Variants in SREK1IP1 observed in about 807,000 individuals in gnomAD.
SREK1IP1 encodes SREK1 interacting protein 1.
Under a neutral mutation model 22.8 loss-of-function variants are expected in SREK1IP1, and 12 were observed. The observed-to-expected ratio is 0.53, with a 90% CI of 0.34 to 0.85. The LOEUF (loss-of-function observed/expected upper bound fraction) is 0.85, where lower values mean the gene tolerates loss of function less well. Among genes scored for constraint, SREK1IP1 ranks in the 40% least tolerant of loss-of-function variants. SREK1IP1 has a pLI of 0.02. For missense variants in SREK1IP1, 147 were observed against 171.8 expected, an observed-to-expected ratio of 0.86 and a Z score of 0.81; for synonymous variants, 53 against 52.7, an observed-to-expected ratio of 1.01 and a Z score of -0.02.
chr5:64,731,065 G>A (rs1415025266), intron 3 of SREK1IP1, among the ~76,000 whole-genome samples: 5 of 152,094 alleles, frequency 3.3e-5, no homozygotes, highest in South Asian at 2.1e-4. Context: ...AGTAAAAAGC[G>A]TACAGTGTAT....
chr5:64,760,227 G>A (rs886600076), intron 1 of SREK1IP1, among the ~76,000 whole-genome samples: 8 of 152,258 alleles, frequency 5.3e-5, no homozygotes, highest in South Asian at 2.1e-4. Flanking sequence ...GCTGCCATTC[G>A]TATAAAAAAA....
At position 64,724,496 on chromosome 5, in the gene SREK1IP1, T is replaced by A; in HGVS notation, c.356A>T (p.Lys119Ile). 1 of 1,591,780 alleles carries A rather than the reference T, an allele frequency of 6.3e-7. No homozygotes were observed. Among genetic ancestry groups the A allele is most frequent in the Non-Finnish European group, 8.5e-7 (1 of 1,174,262 alleles). ...TTTTTTTGATTTACTCTTTTTTTCT[T>A]TTTTCTTTTCTTTCTTCTGATATTT... ...KQKYQKKEKK[K>I]EKKSKSKKGK... is the part of the protein sequence containing the mutation. The change falls in exon 5 of 5, where the codon AAA (lysine) becomes ATA (isoleucine). Residue 119 changes from lysine to isoleucine, a missense_variant. By Grantham distance (102) the Lys-to-Ile change is moderately radical (BLOSUM62 -3). Transcript: ENST00000513458.
chr5:64,737,270 C>T (rs1194863076), intron 3 of SREK1IP1, among the ~76,000 whole-genome samples: 1 of 151,376 alleles, frequency 6.6e-6, no homozygotes, highest in African/African-American at 2.4e-5. Context: ...AAATGTAAAT[C>T]AGTAATGAAA....
chr5:64,754,467 CT>C (rs113306461), intron 1 of SREK1IP1, 105 bp from the exon 2 acceptor site: 912 of 1,157,780 alleles, frequency 7.9e-4, no homozygotes, highest in Non-Finnish European at 8.8e-4. Context: ...TATAGAATTT[CT>C]TTTTTTTTGT....
Position 64,768,541 on chromosome 5 carries a change from G to C in SREK1IP1, c.-24C>G, listed in dbSNP as rs561882205. 3.2e-5 allele frequency: 51 copies of C among 1,614,068 alleles called. No homozygotes were observed. The South Asian group carries it at 5.3e-4, about 17-fold the overall frequency. ...ATGACGGTGGTAAGAGGGGTAACTCGAGCCTCTGGCTTTCGAAAAGGCGCT... is the reference window on the plus strand; with the variant it reads ...ATGACGGTGGTAAGAGGGGTAACTCCAGCCTCTGGCTTTCGAAAAGGCGCT... On this transcript the variant is annotated 5_prime_UTR_variant, in exon 1 of 5. Coordinates refer to ENST00000513458, the MANE Select transcript of SREK1IP1 (RefSeq NM_173829.4).
At position 64,758,045 on chromosome 5, in the gene SREK1IP1, T is replaced by G. The variant is rs966512466; in HGVS notation, c.14-3683A>C. ...CCGCCACCACGCCAGGCTAATTTTT[T>G]GTATTTTTTTTTAGTACAGATGGGG... On this transcript the variant is annotated intron_variant, in intron 1 of 4. Transcript: ENST00000513458. 1.4e-3 allele frequency among the ~76,000 whole-genome samples: 218 copies of G among 151,386 alleles called. 1 individual carries two copies. Among genetic ancestry groups the G allele is most frequent in the Non-Finnish European group, 2.0e-3 (134 of 67,752 alleles).
intron 2 of SREK1IP1, among the ~76,000 whole-genome samples, chr5:64,745,263 T>A (rs1001758511): frequency 3.6e-4 from 55 of 152,304 alleles, no homozygotes; most frequent in African/African-American, 1.3e-3. Flanking sequence ...GTGGGCTTTC[T>A]AGGTTGGTTT....
chr5:64,765,658 T>C (rs1216421400), intron 1 of SREK1IP1, among the ~76,000 whole-genome samples: 3 of 152,220 alleles, frequency 2.0e-5, no homozygotes, highest in African/African-American at 7.2e-5. Flanking sequence ...TAGCTTGCCA[T>C]CTAGCTTAAT....
At chr5:64,741,443 G>C (rs1329379311) in intron 2 of SREK1IP1, among the ~76,000 whole-genome samples, 1 of 151,898 alleles carries the variant, frequency 6.6e-6, no homozygotes, top group Non-Finnish European at 1.5e-5. Context: ...AAGCATTTTT[G>C]GGGGCCACTT....
Position 64,734,817 on chromosome 5 carries a change from T to C in SREK1IP1, c.205+6240A>G, listed in dbSNP as rs893880944. Among the ~76,000 whole-genome samples, 5 of 152,222 alleles carry C rather than the reference T, an allele frequency of 3.3e-5. No homozygotes were observed. In the East Asian group the frequency reaches 9.6e-4, roughly 29 times the overall value. ...TAGTTCTAGAAGCTTTTTTGAAAGA[T>C]TCTGTAGATACTTCTACATAGATGA... On this transcript the variant is annotated intron_variant, in intron 3 of 4. Coordinates refer to ENST00000513458, the MANE Select transcript of SREK1IP1 (RefSeq NM_173829.4).
chr5:64,744,340 A>G (rs1029544808), intron 2 of SREK1IP1, among the ~76,000 whole-genome samples: 2 of 152,124 alleles, frequency 1.3e-5, no homozygotes, highest in Non-Finnish European at 1.5e-5. Context: ...TCTTCCAAGT[A>G]TATTTTCCTT....
chr5:64,745,100 G>T (rs1742611084), intron 2 of SREK1IP1, among the ~76,000 whole-genome samples: 1 of 152,204 alleles, frequency 6.6e-6, no homozygotes, highest in Admixed American at 6.5e-5. Context: ...ACTGTTTTCA[G>T]TAAGATTCCC....
intron 3 of SREK1IP1, among the ~76,000 whole-genome samples, chr5:64,736,693 C>T (rs188989924): frequency 1.3e-5 from 2 of 152,130 alleles, no homozygotes; most frequent in East Asian, 1.9e-4. Context: ...GAACTCCTGA[C>T]CTTAGGTGAT....
At chr5:64,725,100 C>T (rs1004816353) in intron 4 of SREK1IP1, among the ~76,000 whole-genome samples, 39 of 152,118 alleles carry the variant, frequency 2.6e-4, no homozygotes, top group Admixed American at 2.1e-3. Flanking sequence ...TCCCTCTAGA[C>T]GGAGAGTGAT....
intron 2 of SREK1IP1, among the ~76,000 whole-genome samples, chr5:64,743,834 T>G (rs1431225057): frequency 2.6e-5 from 4 of 152,092 alleles, no homozygotes; most frequent in African/African-American, 9.7e-5. Context: ...AATGGTTCTG[T>G]TATAGTAGGT....
Position 64,738,356 on chromosome 5 carries a change from T to C in SREK1IP1, c.205+2701A>G, listed in dbSNP as rs746061623. Among the ~76,000 whole-genome samples the C allele has an allele frequency of 8.5e-4, 130 of 152,288 alleles. 2 individuals carry two copies. In the South Asian group the frequency reaches 9.1e-3, roughly 11 times the overall value. ...ATTTCAATAGATGCAGAAAGAGCAT[T>C]TGACAATATATGTGCTCATGGATTG... On this transcript the variant is annotated intron_variant, in intron 3 of 4. Transcript: ENST00000513458.
chr5:64,724,164 T>C lies in SREK1IP1; in HGVS notation c.*220A>G, dbSNP rs1322057061. The C allele has an allele frequency of 1.5e-5, 6 of 402,642 alleles. No homozygotes were observed. The allele number at this position is 402,642 out of a possible 1,614,324, so 24.9% of individuals were successfully genotyped here. On this transcript the variant is annotated 3_prime_UTR_variant, in exon 5 of 5. Coordinates refer to ENST00000513458, the MANE Select transcript of SREK1IP1 (RefSeq NM_173829.4). The stretch of plus-strand genomic sequence containing the variant: ...GTTTAGTATACACAAATAGCTATAC[T>C]TGGGGCATGGCTATCAAGTAACAAG...
chr5:64,748,668 C>T (rs1404364496), intron 2 of SREK1IP1, among the ~76,000 whole-genome samples: 2 of 152,136 alleles, frequency 1.3e-5, no homozygotes, highest in Admixed American at 1.3e-4. Flanking sequence ...TTTACTGAAG[C>T]CAGTCATTGA....
At chr5:64,741,976 A>G (rs1047316479) in intron 2 of SREK1IP1, among the ~76,000 whole-genome samples, 3 of 128,288 alleles carry the variant, frequency 2.3e-5, no homozygotes, top group African/African-American at 1.0e-4. Context: ...ACACTTTCTC[A>G]ATCTCATTCC....
Sources: allele counts gnomAD v4.1 joint callset (sites outside exome capture counted in the v4.1 genomes callset), GRCh38; gene constraint gnomAD v4.1.1; transcripts MANE v1.5; gene names NCBI Gene and HGNC (gene_info 2026-07-23, HGNC 2026-07-21).